RASEF: variants seen among roughly 807,000 people sequenced by gnomAD.
RASEF encodes the protein ras and EF-hand domain-containing protein.
In RASEF, 68 loss-of-function variants were observed where a neutral mutation model predicts 90.1. The observed-to-expected ratio is 0.75, with a 90% CI of 0.62 to 0.92. The LOEUF (loss-of-function observed/expected upper bound fraction) is 0.92. Among genes scored for constraint, RASEF ranks in the 40% least tolerant of loss-of-function variants. The probability of loss-of-function intolerance (pLI) is 0.00; values close to 1 mark genes in which losing one functional copy is unlikely to be tolerated. For synonymous variants in RASEF, 331 were observed against 345.2 expected, an observed-to-expected ratio of 0.96 and a Z score of 0.46; for missense variants, 949 against 937.2, an observed-to-expected ratio of 1.01 and a Z score of -0.16.
chr9:83,086,238 G>A, the RASEF span, among the ~76,000 whole-genome samples: 1 of 152,076 alleles, frequency 6.6e-6, no homozygotes, highest in South Asian at 2.1e-4. Flanking sequence ...AGAGATCCAA[G>A]AATAAGATAA....
In RASEF at chr9:83,062,641, C is replaced by T. The variant is rs888460467; in HGVS notation, c.227G>A (p.Arg76His). The change falls in exon 1 of 17, where the codon CGC becomes CAC. Residue 76 changes from arginine to histidine, a missense_variant. By Grantham distance (29) the Arg-to-His change is conservative (BLOSUM62 0). Coordinates refer to ENST00000376447, the MANE Select transcript of RASEF (RefSeq NM_152573.4). ...EFARGFLGSL[R>H]GGRRRDWGPL... ...ACCCCAGTCCCGGCGCCGCCCCCCG[C>T]GGAGGGACCCGAGGAAGCCACGCGC... The T allele has an allele frequency of 1.3e-6, 2 of 1,555,782 alleles. No homozygotes were observed. The highest frequency in any genetic ancestry group is 1.7e-6 in the Non-Finnish European group (2 of 1,157,162).
chr9:83,031,297 G>A (rs1015492743), intron 1 of RASEF, among the ~76,000 whole-genome samples: 2 of 151,994 alleles, frequency 1.3e-5, no homozygotes, highest in African/African-American at 4.8e-5. Context: ...TTTATGAGCG[G>A]GTAAGTCTTA....
At chr9:83,202,683 A>G in the RASEF span, among the ~76,000 whole-genome samples, 1 of 152,084 alleles carries the variant, frequency 6.6e-6, no homozygotes, top group Non-Finnish European at 1.5e-5. Flanking sequence ...TTTTTAGTAG[A>G]GATGGGGTCT....
the RASEF span, among the ~76,000 whole-genome samples, chr9:83,115,116 G>A: frequency 6.6e-6 from 1 of 151,902 alleles, no homozygotes; most frequent in Non-Finnish European, 1.5e-5. Context: ...CAACACTTAG[G>A]GAAAATAGAA....
the RASEF span, among the ~76,000 whole-genome samples, chr9:83,181,223 T>G: frequency 6.6e-6 from 1 of 151,470 alleles, no homozygotes; most frequent in Non-Finnish European, 1.5e-5. Context: ...CTAGGGATGT[T>G]TATCCAAGAG....
intron 16 of RASEF, among the ~76,000 whole-genome samples, chr9:82,985,048 G>A (rs887294522): frequency 6.6e-6 from 1 of 152,158 alleles, no homozygotes; most frequent in Non-Finnish European, 1.5e-5. Flanking sequence ...AAAGGCAGAG[G>A]CATAAGAGCT....
At chr9:82,999,677 C>T (rs1233570261) in intron 12 of RASEF, among the ~76,000 whole-genome samples, 1 of 147,080 alleles carries the variant, frequency 6.8e-6, no homozygotes, top group East Asian at 2.0e-4. Flanking sequence ...GATCTCGGCT[C>T]ACTGCAACCT....
chr9:83,100,059 GA>G, the RASEF span, among the ~76,000 whole-genome samples: 1 of 152,266 alleles, frequency 6.6e-6, no homozygotes, highest in South Asian at 2.1e-4. Flanking sequence ...TCTAGAAATT[GA>G]GTAAGATTAA....
At chr9:83,061,562 CCCA>C (rs1830200097) in intron 1 of RASEF, among the ~76,000 whole-genome samples, 2 of 152,106 alleles carry the variant, frequency 1.3e-5, no homozygotes, top group Non-Finnish European at 2.9e-5. Context: ...GCTGGAGACA[CCCA>C]CCACACCAAG....
At chr9:83,163,463 G>A in the RASEF span, among the ~76,000 whole-genome samples, 2 of 152,130 alleles carry the variant, frequency 1.3e-5, no homozygotes, top group African/African-American at 2.4e-5. Flanking sequence ...ATATGATAAG[G>A]GCTCTACTGG....
At chr9:83,031,253 T>C (rs7043044) in intron 1 of RASEF, among the ~76,000 whole-genome samples, 4,509 of 152,284 alleles carry the variant, frequency 0.03, 206 homozygotes, top group African/African-American at 0.1. Flanking sequence ...CCTCCTTACT[T>C]GATAGCTTCA....
At chr9:83,182,996 T>C in the RASEF span, among the ~76,000 whole-genome samples, 1 of 152,146 alleles carries the variant, frequency 6.6e-6, no homozygotes, top group Admixed American at 6.5e-5. Flanking sequence ...TCCATTTTTA[T>C]TGCCTAAGAC....
chr9:83,212,336 T>G, the RASEF span, among the ~76,000 whole-genome samples: 1 of 152,242 alleles, frequency 6.6e-6, no homozygotes, highest in African/African-American at 2.4e-5. Flanking sequence ...TAGCTGGCTC[T>G]GCATTGTCAT....
chr9:83,144,350 A>AG, the RASEF span, among the ~76,000 whole-genome samples: 4 of 121,410 alleles, frequency 3.3e-5, no homozygotes, highest in African/African-American at 1.4e-4. Context: ...AAAGAAAGAA[A>AG]GAAAGAAAGA....
chr9:83,058,403 C>T (rs868723900), intron 1 of RASEF, among the ~76,000 whole-genome samples: 6 of 147,830 alleles, frequency 4.1e-5, no homozygotes, highest in Middle Eastern at 3.4e-3. Context: ...AGGATGGTCT[C>T]CATCTCCTGA....
At chr9:83,099,215 C>T in the RASEF span, among the ~76,000 whole-genome samples, 1 of 152,138 alleles carries the variant, frequency 6.6e-6, no homozygotes, top group Non-Finnish European at 1.5e-5. Flanking sequence ...TACTTATGCT[C>T]TCTACATAAG....
rs187021636 is a variant in RASEF at position 82,998,183 on chromosome 9, A to C, written c.1805+182T>G. Among the ~76,000 whole-genome samples, 511 of 152,358 alleles carry C rather than the reference A, an allele frequency of 3.4e-3. 4 individuals carry two copies. The highest frequency in any genetic ancestry group is 0.011 in the African/African-American group (469 of 41,572). ...CACAGGAGTCATAGGTAAATGAAGGAGATGTGCGAGAATATAAGCATTTTA... is the reference window on the plus strand; with the variant it reads ...CACAGGAGTCATAGGTAAATGAAGGCGATGTGCGAGAATATAAGCATTTTA... On this transcript the variant is annotated intron_variant, in intron 13 of 16. Transcript: ENST00000376447.
the RASEF span, among the ~76,000 whole-genome samples, chr9:83,194,089 C>T: frequency 6.6e-6 from 1 of 152,152 alleles, no homozygotes; most frequent in Admixed American, 6.5e-5. Context: ...CTTACACTAC[C>T]ATGGGATATT....
the RASEF span, among the ~76,000 whole-genome samples, chr9:83,090,230 G>T: frequency 6.6e-6 from 1 of 151,904 alleles, no homozygotes; most frequent in Non-Finnish European, 1.5e-5. Flanking sequence ...TATTTCATGA[G>T]ACATTATTAT....
Sources: gnomAD v4.1 joint callset for allele counts (sites outside exome capture counted in the v4.1 genomes callset) on GRCh38, gnomAD v4.1.1 for gene constraint, MANE v1.5 for transcripts, NCBI Gene and HGNC (gene_info 2026-07-23, HGNC 2026-07-21) for gene names.